Variants in TEX2 observed in about 807,000 individuals in gnomAD.
TEX2 encodes testis expressed 2, also known as testis-expressed protein 2.
In TEX2, 53 loss-of-function variants were observed where a neutral mutation model predicts 106.9. The ratio of observed to expected loss-of-function variants is 0.50; its 90% CI spans 0.40 to 0.62. The LOEUF is 0.62. Ranked by LOEUF, TEX2 falls within the 20% of genes least tolerant of loss-of-function variation. TEX2 has a pLI of 0.00. For missense variants in TEX2, 1,207 were observed against 1,379.0 expected, an observed-to-expected ratio of 0.88 and a Z score of 1.98; for synonymous variants, 523 against 534.8, an observed-to-expected ratio of 0.98 and a Z score of 0.30.
chr17:64,254,076 C>A (rs938417305), intron 1 of TEX2, among the ~76,000 whole-genome samples: 5 of 152,150 alleles, frequency 3.3e-5, no homozygotes, highest in African/African-American at 1.2e-4. Flanking sequence ...TTCATACAAG[C>A]CACTTAACAG....
Position 64,213,063 on chromosome 17 carries a change from G to T in TEX2, c.1155C>A (p.Ser385=), listed in dbSNP as rs782727757. ...EPTREIELKS[S]QGSSLKDLGL... The stretch of plus-strand genomic sequence containing the variant: ...CTAAATCCTTCAGACTGCTCCCCTG[G>T]GAACTTTTCAGTTCTATCTCTCTTG... The change falls in exon 2 of 12, where the codon TCC becomes TCA. Residue 385 remains serine (S), a synonymous_variant. Transcript: ENST00000584379. The surrounding 1 kb of genome is among the most constrained non-coding windows in gnomAD (Gnocchi z 4.4). 5 of 1,614,016 alleles carry T rather than the reference G, an allele frequency of 3.1e-6. No homozygotes were observed. Among genetic ancestry groups the T allele is most frequent in the African/African-American group, 2.7e-5 (2 of 74,892 alleles).
At chr17:64,157,046 T>C (rs1435522892) in intron 8 of TEX2, among the ~76,000 whole-genome samples, 2 of 152,218 alleles carry the variant, frequency 1.3e-5, no homozygotes, top group Non-Finnish European at 2.9e-5. Flanking sequence ...AAATCTGATT[T>C]TGACCGAGTG....
At chr17:64,223,357 C>A (rs1239491967) in intron 1 of TEX2, among the ~76,000 whole-genome samples, 2 of 113,102 alleles carry the variant, frequency 1.8e-5, no homozygotes, top group Non-Finnish European at 3.5e-5. Flanking sequence ...CTGAATCTGG[C>A]TTTTTTTTTT....
chr17:64,173,656 G>C (rs924617972), intron 6 of TEX2, among the ~76,000 whole-genome samples: 1 of 152,284 alleles, frequency 6.6e-6, no homozygotes, highest in Non-Finnish European at 1.5e-5. Flanking sequence ...AAGCATCAAT[G>C]TTATAAGTGG....
At chr17:64,244,157 T>G (rs1421265552) in intron 1 of TEX2, among the ~76,000 whole-genome samples, 2 of 152,202 alleles carry the variant, frequency 1.3e-5, no homozygotes, top group East Asian at 3.8e-4. Context: ...TGGATTATTT[T>G]GGGAAACCAA....
intron 5 of TEX2, among the ~76,000 whole-genome samples, chr17:64,177,680 C>T (rs1299655621): frequency 6.6e-6 from 1 of 152,238 alleles, no homozygotes. Flanking sequence ...AAAACCTTCT[C>T]TTTGTCTGTT....
chr17:64,213,144 G>A lies in TEX2; in HGVS notation c.1074C>T (p.Tyr358=), dbSNP rs782030316. 24 of 1,614,060 alleles carry A rather than the reference G, an allele frequency of 1.5e-5. No homozygotes were observed. The highest frequency in any genetic ancestry group is 1.6e-4 in the Middle Eastern group (1 of 6,084). Residue 358 remains tyrosine (Y), a synonymous_variant, in exon 2 of 12, where the codon TAC becomes TAT. Transcript: ENST00000584379. The surrounding 1 kb of genome is among the most constrained non-coding windows in gnomAD (Gnocchi z 4.4). ...TTCTGGGGATGTTGGAATCACTTCC[G>A]TAGCCATCCCCCTCAGAATCACACT... is the stretch of plus-strand genomic sequence containing the variant. The part of the protein sequence containing the change: ...EEECDSEGDG[Y]GSDSNIPRSD...
chr17:64,213,984 T>C lies in TEX2; in HGVS notation c.234A>G (p.Glu78=), dbSNP rs782481027. ...GLEAKEDLYL[E]PQVGHDPAGP... is the part of the protein sequence containing the mutation. ...CGGCGGGGTCATGGCCAACTTGGGG[T>C]TCAAGATAGAGGTCTTCCTTGGCTT... Residue 78 remains glutamate, a synonymous_variant, in exon 2 of 12, where the codon GAA becomes GAG. Coordinates refer to ENST00000584379, the MANE Select transcript of TEX2 (RefSeq NM_001288732.2). This position sits in a 1 kb window ranked among gnomAD's most constrained non-coding sequence, Gnocchi z 4.4. 3 of 1,613,714 alleles carry C rather than the reference T, an allele frequency of 1.9e-6. No individual in the cohort carries two copies. The highest frequency in any genetic ancestry group is 2.5e-6 in the Non-Finnish European group (3 of 1,179,944).
At chr17:64,177,220 T>C (rs1372607076) in intron 6 of TEX2, 105 bp downstream of exon 6, 7 of 1,376,934 alleles carry the variant, frequency 5.1e-6, no homozygotes, top group Non-Finnish European at 7.1e-6. Context: ...CCTCATATGT[T>C]ATACGTTTAA....
At chr17:64,239,553 A>C (rs2033841590) in intron 1 of TEX2, among the ~76,000 whole-genome samples, 1 of 152,206 alleles carries the variant, frequency 6.6e-6, no homozygotes, top group Admixed American at 6.5e-5. Flanking sequence ...ACTTACAAAA[A>C]AATTTTCAAA....
At chr17:64,258,077 A>T (rs1250256867) in intron 1 of TEX2, among the ~76,000 whole-genome samples, 2 of 151,846 alleles carry the variant, frequency 1.3e-5, no homozygotes, top group African/African-American at 4.8e-5. Context: ...ACACCTGGCT[A>T]ATTTTTTGTA....
intron 1 of TEX2, among the ~76,000 whole-genome samples, chr17:64,252,219 C>G (rs1376180208): frequency 6.6e-6 from 1 of 152,094 alleles, no homozygotes; most frequent in African/African-American, 2.4e-5. Context: ...TAGGATGCTC[C>G]AAACCCTCTG....
intron 1 of TEX2, among the ~76,000 whole-genome samples, chr17:64,221,951 G>A (rs2033369855): frequency 6.6e-6 from 1 of 152,132 alleles, no homozygotes; most frequent in Non-Finnish European, 1.5e-5. Flanking sequence ...ACTTACAAGA[G>A]GTATCTAAAG....
Position 64,149,027 on chromosome 17 carries a change from G to C in TEX2, c.3326C>G (p.Pro1109Arg), listed in dbSNP as rs745343824. The C allele has an allele frequency of 1.2e-6, 2 of 1,614,092 alleles. No homozygotes were observed. Among genetic ancestry groups the C allele is most frequent in the Non-Finnish European group, 1.7e-6 (2 of 1,180,042 alleles). Reference sequence around the variant, plus strand: ...TTTCAGGAGGCAGGAAGTAGAGCGAGGGTCCATGGCTGAGTGCATTATAGT... The same window carrying C: ...TTTCAGGAGGCAGGAAGTAGAGCGACGGTCCATGGCTGAGTGCATTATAGT... ...YITIMHSAMD[P>R]RSTSCLLKDP... The change falls in exon 12 of 12, where the codon CCT becomes CGT. Residue 1109 changes from proline to arginine, a missense_variant. This residue lies in a region of TEX2 where 77 missense variants were observed against 73.2 expected (regional missense o/e 1.05). Transcript: ENST00000584379.
intron 2 of TEX2, among the ~76,000 whole-genome samples, chr17:64,201,235 A>C (rs1398414070): frequency 4.6e-5 from 7 of 151,972 alleles, no homozygotes; most frequent in Admixed American, 2.0e-4. Flanking sequence ...TCCCTCAGAC[A>C]CTTGCTTTGC....
chr17:64,161,476 G>A (rs928791671), intron 7 of TEX2, among the ~76,000 whole-genome samples: 33 of 152,116 alleles, frequency 2.2e-4, no homozygotes, highest in Non-Finnish European at 2.6e-4. Flanking sequence ...TGACAAAAAC[G>A]TTTAAGACCT....
At chr17:64,188,436 G>T in intron 4 of TEX2, 21 bp from the exon 5 acceptor site, 1 of 1,612,864 alleles carries the variant, frequency 6.2e-7, no homozygotes, top group Non-Finnish European at 8.5e-7. Context: ...GAAGACGGGG[G>T]CTATTCACAC....
At position 64,212,679 on chromosome 17, in the gene TEX2, A is replaced by T; in HGVS notation, c.1539T>A (p.Ile513=). ...GLGFMTAVCV[I]WFFTPPSAHK... ...GAGCACTTGGTGGTGTAAAAAACCA[A>T]ATCACGCAAACTGCAGTCATGAATC... Residue 513 remains isoleucine (I), a synonymous_variant, in exon 2 of 12, where the codon ATT becomes ATA. Coordinates refer to ENST00000584379, the MANE Select transcript of TEX2 (RefSeq NM_001288732.2). The T allele has an allele frequency of 6.2e-7, 1 of 1,614,192 alleles. No homozygotes were observed. The highest frequency in any genetic ancestry group is 1.1e-5 in the South Asian group (1 of 91,086).
At chr17:64,166,088 C>G (rs566074729) in intron 7 of TEX2, among the ~76,000 whole-genome samples, 23 of 152,218 alleles carry the variant, frequency 1.5e-4, no homozygotes, top group Non-Finnish European at 2.8e-4. Context: ...CTGTGGGCAC[C>G]TGTTCTGAAA....
Sources: gnomAD v4.1 joint callset for allele counts (sites outside exome capture counted in the v4.1 genomes callset) on GRCh38, gnomAD v4.1.1 for gene constraint, gnomAD v4.1.1 regional missense constraint, Gnocchi (gnomAD v3.1) non-coding constraint, MANE v1.5 for transcripts, NCBI Gene and HGNC (gene_info 2026-07-23, HGNC 2026-07-21) for gene names.